Variants in PUDP observed in about 807,000 individuals in gnomAD.
PUDP encodes pseudouridine-5'-phosphatase.
PUDP carries 8 observed loss-of-function variants against 9.4 expected under a neutral mutation model. That is an observed-to-expected ratio of 0.85 (90% CI 0.50 to 1.53). PUDP has a LOEUF of 1.53. Among genes scored for constraint, PUDP ranks in the 40% most tolerant of loss-of-function variants. The pLI is 0.00. For missense variants in PUDP, 188 were observed against 189.7 expected (o/e 0.99, Z 0.05); for synonymous variants, 99 against 80.7 (o/e 1.23, Z -1.22).
intron 3 of PUDP, among the ~76,000 whole-genome samples, chrX:6,744,441 T>C (rs1257045597): frequency 8.9e-6 from 1 of 111,861 alleles, no homozygotes; most frequent in Non-Finnish European, 1.9e-5. Flanking sequence ...ATGGAAGGTA[T>C]GCTTGATGGA....
rs769170785 is a variant in PUDP at position 6,745,629 on chromosome X, C to CTGTT, written c.*248-39167_*248-39164dup. ...ACAACAGTATCCTGGATGTCACATG[C>CTGTT]TGTTTGTTTGTTTGTTTGTTTGTTT... On this transcript the variant is annotated intron_variant and NMD_transcript_variant, in intron 3 of 3. Coordinates refer to the PUDP transcript ENST00000655425. 3.2e-3 allele frequency among the ~76,000 whole-genome samples: 359 copies of CTGTT among 110,866 alleles called. 2 individuals carry two copies. The highest frequency in any genetic ancestry group is 0.011 in the African/African-American group (322 of 30,488).
intron 2 of PUDP, among the ~76,000 whole-genome samples, chrX:7,103,388 C>A (rs973255673): frequency 8.0e-5 from 9 of 112,316 alleles, no homozygotes; most frequent in African/African-American, 2.9e-4. Flanking sequence ...CTAATTAACA[C>A]CATACACAAG....
intron 1 of PUDP, among the ~76,000 whole-genome samples, chrX:7,015,324 C>T (rs1311119482): frequency 1.8e-5 from 2 of 111,608 alleles, no homozygotes; most frequent in Non-Finnish European, 3.8e-5. Flanking sequence ...ACAAAAAGGG[C>T]CTGATCTAAA....
intron 1 of PUDP, among the ~76,000 whole-genome samples, chrX:7,132,636 C>T (rs759931883): frequency 4.5e-5 from 5 of 112,070 alleles, no homozygotes; most frequent in Admixed American, 9.5e-5. Context: ...GCACTGACAA[C>T]GCACACAAAG....
intron 3 of PUDP, among the ~76,000 whole-genome samples, chrX:6,854,250 T>C (rs1478874132): frequency 8.9e-6 from 1 of 111,954 alleles, no homozygotes; most frequent in African/African-American, 3.2e-5. Flanking sequence ...AGACTACTTT[T>C]TATCCCAGAG....
intron 3 of PUDP, among the ~76,000 whole-genome samples, chrX:6,812,020 GC>G (rs1926152302): frequency 8.9e-6 from 1 of 112,605 alleles, no homozygotes; most frequent in Non-Finnish European, 1.9e-5. Flanking sequence ...GACTAAGGCA[GC>G]ATGAGACATC....
Position 7,065,704 on chromosome X carries a change from G to T in PUDP, c.510+11516C>A, listed in dbSNP as rs186216515. Among the ~76,000 whole-genome samples, 4 of 112,164 alleles carry T rather than the reference G, an allele frequency of 3.6e-5. No individual in the cohort carries two copies. The East Asian group carries it at 1.1e-3, about 31-fold the overall frequency. The stretch of plus-strand genomic sequence containing the variant: ...TACAAGGAAGGTACAACATGTCCAG[G>T]GGTGGGAGAGTTCACGGGCTTTATT... On this transcript the variant is annotated intron_variant, in intron 3 of 3. Coordinates refer to ENST00000381077, the MANE Select transcript of PUDP (RefSeq NM_012080.5).
At chrX:7,040,864 T>C (rs1205010930) in intron 1 of PUDP, among the ~76,000 whole-genome samples, 1 of 110,483 alleles carries the variant, frequency 9.1e-6, no homozygotes, top group East Asian at 2.9e-4. Flanking sequence ...TTGACACCCC[T>C]GTTCTTAGCT....
intron 3 of PUDP, among the ~76,000 whole-genome samples, chrX:6,768,633 G>GA (rs955248306): frequency 1.4e-4 from 15 of 109,784 alleles, no homozygotes; most frequent in Non-Finnish European, 2.7e-4. Context: ...GATTTGAAAA[G>GA]AAAAAAAAAT....
At chrX:6,880,278 C>T (rs1009142100) in intron 3 of PUDP, among the ~76,000 whole-genome samples, 6 of 110,657 alleles carry the variant, frequency 5.4e-5, no homozygotes, top group Non-Finnish European at 9.4e-5. Context: ...CCTGAGCCCC[C>T]AAAGTCCATT....
intron 3 of PUDP, among the ~76,000 whole-genome samples, chrX:6,747,825 T>C (rs932326726): frequency 1.8e-5 from 2 of 112,160 alleles, no homozygotes; most frequent in Non-Finnish European, 3.8e-5. Context: ...AATAAAAGAA[T>C]AGTAGTGATT....
intron 1 of PUDP, among the ~76,000 whole-genome samples, chrX:6,714,347 T>G (rs368156204): frequency 1.8e-4 from 19 of 107,385 alleles, no homozygotes; most frequent in African/African-American, 6.6e-4. Flanking sequence ...GATAGCTACA[T>G]GGATAAATAG....
At chrX:7,077,702 C>T (rs1349758455) in intron 2 of PUDP, among the ~76,000 whole-genome samples, 3 of 112,658 alleles carry the variant, frequency 2.7e-5, no homozygotes, top group Non-Finnish European at 3.8e-5. Context: ...AGAAGAAGAG[C>T]GCACTGGGAG....
At chrX:6,975,983 A>G (rs1928948506) in intron 3 of PUDP, among the ~76,000 whole-genome samples, 1 of 112,302 alleles carries the variant, frequency 8.9e-6, no homozygotes, top group Non-Finnish European at 1.9e-5. Flanking sequence ...ACTTCCCAGC[A>G]GCTTTGTTTA....
intron 3 of PUDP, among the ~76,000 whole-genome samples, chrX:6,848,045 A>C (rs970546860): frequency 8.9e-6 from 1 of 112,204 alleles, no homozygotes; most frequent in African/African-American, 3.2e-5. Context: ...AATCCCGTGC[A>C]TGTGCTTTCT....
At chrX:7,127,004 C>A (rs1432744642) in intron 1 of PUDP, among the ~76,000 whole-genome samples, 1 of 111,226 alleles carries the variant, frequency 9.0e-6, no homozygotes, top group Non-Finnish European at 1.9e-5. Flanking sequence ...TCTAATTCTA[C>A]CTAGGATTTC....
intron 3 of PUDP, among the ~76,000 whole-genome samples, chrX:6,914,017 A>G (rs2146758979): frequency 9.1e-6 from 1 of 109,419 alleles, no homozygotes; most frequent in African/African-American, 3.3e-5. Context: ...AATACAAAAA[A>G]TTAGCCGGGC....
chrX:7,122,207 AC>A (rs1318698721), intron 1 of PUDP, among the ~76,000 whole-genome samples: 2 of 72,947 alleles, frequency 2.7e-5, no homozygotes, highest in African/African-American at 1.3e-4. Context: ...AAAAAAAAAA[AC>A]CCATATATGT....
intron 3 of PUDP, among the ~76,000 whole-genome samples, chrX:6,741,160 C>CAAAA (rs533050762): frequency 7.6e-5 from 6 of 78,718 alleles, no homozygotes; most frequent in Admixed American, 1.4e-4. Context: ...ACTCCATCTC[C>CAAAA]AAAAAAAAAA....
Sources: gnomAD v4.1 joint callset for allele counts (sites outside exome capture counted in the v4.1 genomes callset) on GRCh38, gnomAD v4.1.1 for gene constraint, MANE v1.5 for transcripts, NCBI Gene and HGNC (gene_info 2026-07-23, HGNC 2026-07-21) for gene names.